The following URB2 variants were observed in gnomAD, a reference collection of about 807,000 sequenced individuals.
The protein encoded by URB2 is unhealthy ribosome biogenesis protein 2 homolog.
A neutral mutation model predicts 120.9 loss-of-function variants in URB2; 86 were observed. The observed-to-expected ratio is 0.71, with a 90% CI of 0.60 to 0.85. URB2 has a LOEUF of 0.85. Ranked by LOEUF, URB2 falls within the 40% of genes least tolerant of loss-of-function variation. The pLI is 0.00. For synonymous variants in URB2, 755 were observed against 758.4 expected, an observed-to-expected ratio of 1.00 and a Z score of 0.07; for missense variants, 1,765 against 1,836.5, an observed-to-expected ratio of 0.96 and a Z score of 0.71.
intron 6 of URB2, among the ~76,000 whole-genome samples, chr1:229,647,044 A>C (rs1211278751): frequency 6.6e-6 from 1 of 152,190 alleles, no homozygotes; most frequent in Non-Finnish European, 1.5e-5. Flanking sequence ...ACCCATGCTG[A>C]CGGGCAGGGA....
In URB2 at chr1:229,637,487, T is replaced by C; in HGVS notation, c.2874T>C (p.Ala958=). 1 of 1,614,236 alleles carries C rather than the reference T, an allele frequency of 6.2e-7. No individual in the cohort carries two copies. Residue 958 remains alanine, a synonymous_variant, in exon 4 of 10, where the codon GCT becomes GCC. Coordinates refer to ENST00000258243, the MANE Select transcript of URB2 (RefSeq NM_014777.4). ...LLGYLQKGKS[A]RSVFKIMYGS... is the part of the protein sequence containing the mutation. ...GTTACTTGCAAAAGGGGAAAAGTGCTCGCTCTGTGTTCAAGATCATGTATG... is the reference window on the plus strand; with the variant it reads ...GTTACTTGCAAAAGGGGAAAAGTGCCCGCTCTGTGTTCAAGATCATGTATG...
rs764018181 is a variant in URB2, at chr1:229,635,267, G to T, written c.654G>T (p.Thr218=). Residue 218 remains threonine (T), a synonymous_variant, in exon 4 of 10, where the codon ACG becomes ACT. Coordinates refer to ENST00000258243, the MANE Select transcript of URB2 (RefSeq NM_014777.4). ...LRHLLSGGTW[T]QAGQGQLRQV... The stretch of plus-strand genomic sequence containing the variant: ...ACTTACTCTCTGGGGGCACATGGAC[G>T]CAGGCTGGCCAGGGCCAGCTGAGGC... 6.2e-7 allele frequency: 1 copy of T among 1,614,078 alleles called. No individual in the cohort carries two copies.
At chr1:229,634,265 G>A (rs1665737648) in intron 3 of URB2, among the ~76,000 whole-genome samples, 1 of 151,812 alleles carries the variant, frequency 6.6e-6, no homozygotes, top group Admixed American at 6.6e-5. Flanking sequence ...GAGTGCAGTG[G>A]CTCGATCCCA....
rs1179247378 is a variant in URB2, at chr1:229,659,484, T to A, written c.*187T>A. ...TCGTGTTTTTCTTACTATTTTTTAA[T>A]ACATAGTTTTATGCAGTAAGTATTG... is the stretch of plus-strand genomic sequence containing the variant. On this transcript the variant is annotated 3_prime_UTR_variant, in exon 10 of 10. Transcript: ENST00000258243. 1 of 568,524 alleles carries A rather than the reference T, an allele frequency of 1.8e-6. No individual in the cohort carries two copies. The highest frequency in any genetic ancestry group is 2.9e-6 in the Non-Finnish European group (1 of 340,444). 35.2% of individuals were successfully genotyped at this position (568,524 alleles called of 1,614,324 possible). A position where few individuals can be genotyped will look rare whatever the true frequency, so the allele number is the denominator to read the frequency against.
chr1:229,657,597 A>T (rs1221004316), intron 9 of URB2, among the ~76,000 whole-genome samples: 1 of 152,206 alleles, frequency 6.6e-6, no homozygotes, highest in Non-Finnish European at 1.5e-5. Flanking sequence ...ATGATCAAGG[A>T]CTTTGTGTTT....
intron 2 of URB2, among the ~76,000 whole-genome samples, chr1:229,629,803 C>T (rs1665616073): frequency 6.6e-6 from 1 of 152,212 alleles, no homozygotes. Context: ...AGTAGAACTT[C>T]TTTCTAAATT....
chr1:229,639,386 G>A (rs1353014285), intron 4 of URB2, among the ~76,000 whole-genome samples: 1 of 148,446 alleles, frequency 6.7e-6, no homozygotes, highest in East Asian at 2.0e-4. Context: ...CCAGGATGGA[G>A]TGCAGTGGTG....
chr1:229,658,284 T>C (rs1157741889), intron 9 of URB2, among the ~76,000 whole-genome samples: 1 of 152,158 alleles, frequency 6.6e-6, no homozygotes, highest in African/African-American at 2.4e-5. Flanking sequence ...GTTGGTTTGA[T>C]ATTAGTCTGA....
In URB2 at chr1:229,636,448, C is replaced by G; in HGVS notation, c.1835C>G (p.Thr612Ser). 6.2e-7 allele frequency: 1 copy of G among 1,614,256 alleles called. No individual in the cohort carries two copies. The highest frequency in any genetic ancestry group is 8.5e-7 in the Non-Finnish European group (1 of 1,180,052). Residue 612 changes from threonine (T) to serine (S), a missense_variant, in exon 4 of 10, where the codon ACT becomes AGT. Transcript: ENST00000258243. The part of the protein sequence containing the change: ...VSDSVLLLSY[T>S]WAQVDAMFSL... ...GACTCTGTGCTCCTGCTCTCTTACA[C>G]TTGGGCCCAGGTGGACGCTATGTTC...
intron 9 of URB2, among the ~76,000 whole-genome samples, chr1:229,657,692 C>T (rs567602226): frequency 5.3e-5 from 8 of 152,120 alleles, no homozygotes; most frequent in South Asian, 2.1e-4. Flanking sequence ...ATTCTACCTT[C>T]GGTCCTTGAG....
In URB2 at chr1:229,659,890, C is replaced by A. The variant is rs1256821211; in HGVS notation, c.*593C>A. 6.6e-6 allele frequency: 1 copy of A among 152,156 alleles called. No homozygotes were observed. The highest frequency in any genetic ancestry group is 1.5e-5 in the Non-Finnish European group (1 of 68,026). 9.4% of individuals were successfully genotyped at this position (152,156 alleles called of 1,614,324 possible). ...GTGACGTTTAGCACAGGTGCCAGGG[C>A]TCCTGCCTGCTCCTCCTGTGTTAGC... On this transcript the variant is annotated 3_prime_UTR_variant, in exon 10 of 10. Coordinates refer to ENST00000258243, the MANE Select transcript of URB2 (RefSeq NM_014777.4).
Position 229,645,857 on chromosome 1 carries a change from A to G in URB2, c.3796-2A>G. On this transcript the variant is annotated splice_acceptor_variant, in intron 5 of 9. Coordinates refer to ENST00000258243, the MANE Select transcript of URB2 (RefSeq NM_014777.4). LOFTEE classifies it high-confidence loss of function. ...CGCTAAGTTTTTTCTCTCTTGCCCC[A>G]GGCTGTTGTGTCAGCTGTTACACTG... 6.2e-7 allele frequency: 1 copy of G among 1,613,884 alleles called. No individual in the cohort carries two copies. The highest frequency in any genetic ancestry group is 1.3e-5 in the African/African-American group (1 of 75,032).
chr1:229,646,088 A>G (rs1280011345), intron 6 of URB2, 119 bp downstream of exon 6: 8 of 865,934 alleles, frequency 9.2e-6, no homozygotes, highest in Non-Finnish European at 1.5e-5. Flanking sequence ...TGTGTGGGCT[A>G]CTTCCAAAGG....
At chr1:229,629,212 C>G (rs1665603628) in intron 2 of URB2, among the ~76,000 whole-genome samples, 1 of 152,164 alleles carries the variant, frequency 6.6e-6, no homozygotes, top group Non-Finnish European at 1.5e-5. Flanking sequence ...TGTATGATTT[C>G]ATATCAACTG....
At chr1:229,641,076 G>A (rs570236094) in intron 4 of URB2, among the ~76,000 whole-genome samples, 4 of 142,784 alleles carry the variant, frequency 2.8e-5, no homozygotes, top group South Asian at 4.4e-4. Flanking sequence ...ACAGTGGCCC[G>A]GTCTCGGCTC....
chr1:229,627,716 T>G lies in URB2; in HGVS notation c.83T>G (p.Phe28Cys). The change falls in exon 2 of 10, where the codon TTT (phenylalanine) becomes TGT (cysteine). Residue 28 changes from phenylalanine to cysteine, a missense_variant. By Grantham distance (205) the Phe-to-Cys change is radical (BLOSUM62 -2). Transcript: ENST00000258243. ...GAAGATAAACTAAAACTAGCTCACT[T>G]TGCTTGGATTTCTCACCAGTGCTTT... ...SWEDKLKLAH[F>C]AWISHQCFLP... 2 of 1,612,910 alleles carry G rather than the reference T, an allele frequency of 1.2e-6. No homozygotes were observed. The highest frequency in any genetic ancestry group is 1.1e-5 in the South Asian group (1 of 90,866).
At position 229,635,674 on chromosome 1, in the gene URB2, C is replaced by T. The variant is rs1304893198; in HGVS notation, c.1061C>T (p.Thr354Ile). The T allele has an allele frequency of 5.0e-6, 8 of 1,614,138 alleles. No individual in the cohort carries two copies. The Middle Eastern group carries it at 4.9e-4, about 100-fold the overall frequency. The change falls in exon 4 of 10, where the codon ACC becomes ATC. Residue 354 changes from threonine to isoleucine, a missense_variant. Physicochemically the swap from Thr to Ile is moderately conservative, Grantham distance 89. Transcript: ENST00000258243. ...QSKALSTSDW[T>I]TELLVVEQLL... ...AAAGCCCTGTCCACATCAGATTGGA[C>T]CACAGAGCTTTTGGTTGTGGAACAG...
intron 9 of URB2, 35 bp downstream of exon 9, chr1:229,654,423 G>GTTT (rs1666358793): frequency 1.2e-6 from 2 of 1,612,922 alleles, no homozygotes. Flanking sequence ...ACCAAGTACT[G>GTTT]TGTTTATGGT....
rs142376969 is a variant in URB2 at position 229,647,117 on chromosome 1, C to T, written c.3907-393C>T. On this transcript the variant is annotated intron_variant, in intron 6 of 9. Coordinates refer to ENST00000258243, the MANE Select transcript of URB2 (RefSeq NM_014777.4). ...AGAACACTGGGCTAGAATCCACTTA[C>T]GTCCACCCAGAGGGTGTAGCAGGGG... 7.9e-3 allele frequency among the ~76,000 whole-genome samples: 1,198 copies of T among 152,262 alleles called. 56 individuals carry two copies. Among genetic ancestry groups the T allele is most frequent in the Admixed American group, 0.071 (1,083 of 15,278 alleles).
Sources: gnomAD v4.1 joint callset for allele counts (sites outside exome capture counted in the v4.1 genomes callset) on GRCh38, gnomAD v4.1.1 for gene constraint, MANE v1.5 for transcripts, NCBI Gene and HGNC (gene_info 2026-07-23, HGNC 2026-07-21) for gene names.